EPB41L4A: variants seen among roughly 807,000 people sequenced by gnomAD.
EPB41L4A encodes the protein erythrocyte membrane protein band 4.1 like 4A.
EPB41L4A carries 100 observed loss-of-function variants against 108.6 expected under a neutral mutation model. The ratio of observed to expected loss-of-function variants is 0.92; its 90% confidence interval spans 0.78 to 1.09. The LOEUF is 1.09. Among genes scored for constraint, EPB41L4A ranks in the 50% least tolerant of loss-of-function variants. The probability of loss-of-function intolerance (pLI) is 0.00; values close to 1 mark genes in which losing one functional copy is unlikely to be tolerated. For synonymous variants in EPB41L4A, 319 were observed against 289.0 expected (o/e 1.10, Z -1.05); for missense variants, 1,030 against 842.7 (o/e 1.22, Z -2.75).
At chr5:112,251,294 T>C (rs887157967) in intron 9 of EPB41L4A, among the ~76,000 whole-genome samples, 1 of 152,134 alleles carries the variant, frequency 6.6e-6, no homozygotes, top group Non-Finnish European at 1.5e-5. Context: ...ATTTAACCCA[T>C]GGATATCCCT....
chr5:112,280,333 G>A lies in EPB41L4A; in HGVS notation c.205-10C>T, dbSNP rs1409105456. On this transcript the variant is annotated splice_polypyrimidine_tract_variant and intron_variant, in intron 2 of 22. Transcript: ENST00000261486. ...CAGGATCCAGCCAATACTGTGTGAG[G>A]AAGAAAAGGACAATTAAAGAAATTA... The A allele has an allele frequency of 1.9e-6, 3 of 1,612,810 alleles. No homozygotes were observed. Among genetic ancestry groups the A allele is most frequent in the Admixed American group, 1.7e-5 (1 of 60,000 alleles).
At chr5:112,259,384 T>A in intron 8 of EPB41L4A, 92 bp from the exon 9 acceptor site, 1 of 986,086 alleles carries the variant, frequency 1.0e-6, no homozygotes, top group South Asian at 1.3e-5. Flanking sequence ...GACTGGTGAA[T>A]ACTGGCTCCT....
chr5:112,243,801 T>C (rs992186986), intron 9 of EPB41L4A, among the ~76,000 whole-genome samples: 2 of 152,246 alleles, frequency 1.3e-5, no homozygotes, highest in African/African-American at 4.8e-5. Context: ...TTCACAGAAT[T>C]GAAGAGAGTT....
chr5:112,370,191 A>ATTT (rs77297021), intron 1 of EPB41L4A, among the ~76,000 whole-genome samples: 2 of 136,988 alleles, frequency 1.5e-5, no homozygotes, highest in East Asian at 2.1e-4. Context: ...AGCCTGTCTA[A>ATTT]TTTTTTTTTT....
At chr5:112,351,900 A>C (rs988731164) in intron 1 of EPB41L4A, among the ~76,000 whole-genome samples, 2 of 152,218 alleles carry the variant, frequency 1.3e-5, no homozygotes, top group African/African-American at 4.8e-5. Flanking sequence ...AAAGAACCAT[A>C]AGATCATCTT....
At chr5:112,384,879 A>C (rs1760405278) in intron 1 of EPB41L4A, among the ~76,000 whole-genome samples, 1 of 152,172 alleles carries the variant, frequency 6.6e-6, no homozygotes, top group Non-Finnish European at 1.5e-5. Flanking sequence ...TTTTTTTCCT[A>C]GGCCTCAATA....
At chr5:112,402,599 A>G (rs560314212) in intron 1 of EPB41L4A, among the ~76,000 whole-genome samples, 2 of 152,322 alleles carry the variant, frequency 1.3e-5, no homozygotes, top group Non-Finnish European at 2.9e-5. Flanking sequence ...CGTGGGGAAA[A>G]GTACGTGGAA....
chr5:112,244,039 C>T (rs1230930269), intron 9 of EPB41L4A, among the ~76,000 whole-genome samples: 3 of 152,212 alleles, frequency 2.0e-5, no homozygotes, highest in Non-Finnish European at 2.9e-5. Flanking sequence ...CTATCTCACC[C>T]TTTAAGATGA....
chr5:112,413,341 C>G (rs1200948196), intron 1 of EPB41L4A, among the ~76,000 whole-genome samples: 1 of 152,216 alleles, frequency 6.6e-6, no homozygotes, highest in Non-Finnish European at 1.5e-5. Context: ...AGTATCTTGA[C>G]AACAGATTTT....
chr5:112,252,696 G>A (rs972549800), intron 9 of EPB41L4A, among the ~76,000 whole-genome samples: 2 of 152,104 alleles, frequency 1.3e-5, no homozygotes, highest in African/African-American at 4.8e-5. Flanking sequence ...GGGGACTACT[G>A]GATGGGGGAG....
At chr5:112,167,170 A>C (rs903343818) in intron 22 of EPB41L4A, among the ~76,000 whole-genome samples, 10 of 151,384 alleles carry the variant, frequency 6.6e-5, no homozygotes, top group Non-Finnish European at 1.3e-4. Flanking sequence ...ATTAATCATC[A>C]CAATAACCCT....
intron 17 of EPB41L4A, among the ~76,000 whole-genome samples, chr5:112,194,182 A>G (rs940590615): frequency 3.3e-5 from 5 of 152,204 alleles, no homozygotes; most frequent in African/African-American, 7.2e-5. Flanking sequence ...TCTAAGAAAC[A>G]ATGAGTTATT....
intron 2 of EPB41L4A, among the ~76,000 whole-genome samples, chr5:112,292,982 A>T: frequency 6.6e-6 from 1 of 152,182 alleles, no homozygotes; most frequent in Non-Finnish European, 1.5e-5. Flanking sequence ...CCTTTCACTT[A>T]TGTATATAAC....
At chr5:112,328,341 G>A (rs1373729889) in intron 1 of EPB41L4A, among the ~76,000 whole-genome samples, 2 of 152,136 alleles carry the variant, frequency 1.3e-5, no homozygotes, top group Non-Finnish European at 2.9e-5. Flanking sequence ...GGAGAAAGAT[G>A]TGAGAAGTTA....
At chr5:112,241,027 C>T (rs1749748889) in intron 9 of EPB41L4A, among the ~76,000 whole-genome samples, 1 of 152,122 alleles carries the variant, frequency 6.6e-6, no homozygotes, top group Admixed American at 6.6e-5. Flanking sequence ...TCTTAAAGCA[C>T]CTTTATTACC....
At chr5:112,314,988 C>A (rs1344159768) in intron 1 of EPB41L4A, among the ~76,000 whole-genome samples, 1 of 152,124 alleles carries the variant, frequency 6.6e-6, no homozygotes, top group Non-Finnish European at 1.5e-5. Context: ...TGGACCTCCA[C>A]TAATGAGACA....
chr5:112,329,315 AT>A (rs1756396081), intron 1 of EPB41L4A, among the ~76,000 whole-genome samples: 1 of 152,220 alleles, frequency 6.6e-6, no homozygotes, highest in Non-Finnish European at 1.5e-5. Context: ...TTTGGTTCTT[AT>A]CATATTTTAC....
rs759067663 is a variant in EPB41L4A, at chr5:112,171,002, G to A, written c.1623-10C>T. ...GATATCGGGGCTTCTCCTATAAATAGAGAAAACAACATTCATCTCTGCAAA... is the reference window on the plus strand; with the variant it reads ...GATATCGGGGCTTCTCCTATAAATAAAGAAAACAACATTCATCTCTGCAAA... On this transcript the variant is annotated splice_polypyrimidine_tract_variant and intron_variant, in intron 18 of 22. Transcript: ENST00000261486. 15 of 1,611,570 alleles carry A rather than the reference G, an allele frequency of 9.3e-6. No individual in the cohort carries two copies. In the East Asian group the frequency reaches 2.0e-4, roughly 22 times the overall value.
At chr5:112,269,622 T>C (rs1243634814) in intron 4 of EPB41L4A, among the ~76,000 whole-genome samples, 1 of 152,102 alleles carries the variant, frequency 6.6e-6, no homozygotes, top group Non-Finnish European at 1.5e-5. Context: ...CCTAGGAGAG[T>C]ACTAATTTAT....
Sources: allele counts gnomAD v4.1 joint callset (sites outside exome capture counted in the v4.1 genomes callset), GRCh38; gene constraint gnomAD v4.1.1; transcripts MANE v1.5; gene names NCBI Gene and HGNC (gene_info 2026-07-23, HGNC 2026-07-21).